CDH19: variants seen among roughly 807,000 people sequenced by gnomAD.
CDH19 encodes cadherin 19.
Under a neutral mutation model 64.2 loss-of-function variants are expected in CDH19, and 67 were observed. The ratio of observed to expected loss-of-function variants is 1.04; its 90% CI spans 0.86 to 1.28. CDH19 has a LOEUF of 1.28. Among genes scored for constraint, CDH19 ranks in the 50% most tolerant of loss-of-function variants. The pLI is 0.00. For missense variants in CDH19, 1,030 were observed against 929.0 expected (o/e 1.11, Z -1.41); for synonymous variants, 346 against 319.3 (o/e 1.08, Z -0.89).
At chr18:66,565,786 C>T (rs991342946) in intron 3 of CDH19, among the ~76,000 whole-genome samples, 6 of 151,866 alleles carry the variant, frequency 4.0e-5, no homozygotes, top group African/African-American at 1.4e-4. Flanking sequence ...TATTATATAA[C>T]ACTTCTAATA....
intron 4 of CDH19, 51 bp from the exon 5 acceptor site, chr18:66,551,309 G>A (rs780574695): frequency 9.9e-7 from 1 of 1,011,998 alleles, no homozygotes; most frequent in South Asian, 1.4e-5. Flanking sequence ...TCATGACAAA[G>A]TTCTAGTTAA....
At chr18:66,563,631 G>T (rs1987802697) in intron 3 of CDH19, among the ~76,000 whole-genome samples, 2 of 151,814 alleles carry the variant, frequency 1.3e-5, no homozygotes, top group Non-Finnish European at 2.9e-5. Flanking sequence ...CCTTCACATT[G>T]GGAACTTATT....
rs1353132585 is a variant in CDH19 at position 66,504,072 on chromosome 18, A to G, written c.*740T>C. 1 of 151,944 alleles carries G rather than the reference A, an allele frequency of 6.6e-6. No individual in the cohort carries two copies. Among genetic ancestry groups the G allele is most frequent in the African/African-American group, 2.4e-5 (1 of 41,434 alleles). 9.4% of individuals were successfully genotyped at this position (151,944 alleles called of 1,614,324 possible). ...TTAATTCAGTGCCTTTCTCACATTAACCATTTAAAAAGGTTGAGCGTTTGC... is the reference window on the plus strand; with the variant it reads ...TTAATTCAGTGCCTTTCTCACATTAGCCATTTAAAAAGGTTGAGCGTTTGC... On this transcript the variant is annotated 3_prime_UTR_variant, in exon 12 of 12. Transcript: ENST00000262150.
At chr18:66,598,675 CCTA>C (rs1159121055) in intron 1 of CDH19, among the ~76,000 whole-genome samples, 1 of 152,024 alleles carries the variant, frequency 6.6e-6, no homozygotes, top group African/African-American at 2.4e-5. Context: ...TGGGGCCTAA[CCTA>C]CTTCAGGGTG....
chr18:66,580,569 G>A (rs754237901), intron 1 of CDH19, among the ~76,000 whole-genome samples: 47 of 151,980 alleles, frequency 3.1e-4, no homozygotes, highest in Non-Finnish European at 5.6e-4. Context: ...AGAAGTTTCT[G>A]CAAGATTCTC....
At chr18:66,575,720 G>T (rs1007508816) in intron 1 of CDH19, among the ~76,000 whole-genome samples, 1 of 151,722 alleles carries the variant, frequency 6.6e-6, no homozygotes, top group African/African-American at 2.4e-5. Context: ...AGTCCTTCAA[G>T]AAGAAATAAA....
At chr18:66,521,782 T>TG (rs1886734528) in intron 9 of CDH19, among the ~76,000 whole-genome samples, 9 of 151,944 alleles carry the variant, frequency 5.9e-5, no homozygotes, top group Admixed American at 5.9e-4. Context: ...CTCCTGGACT[T>TG]GAGTGCTGCT....
intron 1 of CDH19, among the ~76,000 whole-genome samples, chr18:66,592,133 G>C (rs1026439906): frequency 6.6e-6 from 1 of 151,836 alleles, no homozygotes; most frequent in Non-Finnish European, 1.5e-5. Context: ...AGCCTGACTA[G>C]AGATGAACTA....
intron 3 of CDH19, among the ~76,000 whole-genome samples, chr18:66,565,421 G>C (rs962301870): frequency 6.6e-6 from 1 of 151,822 alleles, no homozygotes; most frequent in African/African-American, 2.4e-5. Context: ...TATAATAATA[G>C]GCAGTTCACT....
rs781356507 is a variant in CDH19 at position 66,509,156 on chromosome 18, C to T, written c.1667G>A (p.Gly556Glu). The T allele has an allele frequency of 5.0e-6, 8 of 1,612,736 alleles. No individual in the cohort carries two copies. Among genetic ancestry groups the T allele is most frequent in the Admixed American group, 1.7e-5 (1 of 59,822 alleles). ...GTTTGTACTTGTAAGTGACGGGATTCCATTGTCGGCAATTAAGATGGAGAT... is the reference window on the plus strand; with the variant it reads ...GTTTGTACTTGTAAGTGACGGGATTTCATTGTCGGCAATTAAGATGGAGAT... The part of the protein sequence containing the change: ...FYISILIADN[G>E]IPSLTSTNTL... The change falls in exon 11 of 12, where the codon GGA becomes GAA. Residue 556 changes from glycine (G) to glutamate (E), a missense_variant. Gly to Glu is a moderately conservative substitution (Grantham distance 98). Transcript: ENST00000262150.
intron 9 of CDH19, among the ~76,000 whole-genome samples, chr18:66,513,121 T>C (rs1985573678): frequency 6.6e-6 from 1 of 151,518 alleles, no homozygotes; most frequent in South Asian, 2.1e-4. Context: ...TTCATGTTTA[T>C]CTTGCTGGCA....
intron 1 of CDH19, among the ~76,000 whole-genome samples, chr18:66,603,275 TATAAA>T (rs1989081961): frequency 6.6e-6 from 1 of 150,920 alleles, no homozygotes; most frequent in Admixed American, 6.6e-5. Context: ...ATTGAAACAA[TATAAA>T]ATGTCTTTTA....
At chr18:66,522,451 T>C (rs1986038469) in intron 9 of CDH19, among the ~76,000 whole-genome samples, 3 of 152,022 alleles carry the variant, frequency 2.0e-5, no homozygotes, top group South Asian at 2.1e-4. Flanking sequence ...GGGTGCGCCA[T>C]GTTGGCCAGG....
chr18:66,572,243 G>T lies in CDH19; in HGVS notation c.-39C>A. The T allele has an allele frequency of 6.6e-7, 1 of 1,522,758 alleles. No homozygotes were observed. The allele number at this position is 1,522,758 out of a possible 1,614,324, so 94.3% of individuals were successfully genotyped here. ...TTGATTCCAACTATTACTCTTCAGA[G>T]GAAACAGGACGTCACTAACAAAAAT... On this transcript the variant is annotated 5_prime_UTR_variant, in exon 2 of 12. Transcript: ENST00000262150.
chr18:66,540,104 G>T (rs1986831058), intron 7 of CDH19, among the ~76,000 whole-genome samples: 1 of 151,694 alleles, frequency 6.6e-6, no homozygotes, highest in African/African-American at 2.4e-5. Context: ...TTTGCCCCTT[G>T]GCCTTTCTCG....
At position 66,581,755 on chromosome 18, in the gene CDH19, C is replaced by T. The variant is rs564734013; in HGVS notation, c.-112-9439G>A. Among the ~76,000 whole-genome samples the T allele has an allele frequency of 1.3e-3, 205 of 152,132 alleles. 8 individuals are homozygous for T. In the South Asian group the frequency reaches 0.04, roughly 30 times the overall value. ...TTGAGACTTTGGGACTCGGATTGAG[C>T]GACTACTGGCTTCCTACCTCCTCAG... is the stretch of plus-strand genomic sequence containing the variant. On this transcript the variant is annotated intron_variant, in intron 1 of 11. Coordinates refer to ENST00000262150, the MANE Select transcript of CDH19 (RefSeq NM_021153.4).
At chr18:66,558,254 T>A (rs1014683604) in intron 3 of CDH19, among the ~76,000 whole-genome samples, 1 of 150,964 alleles carries the variant, frequency 6.6e-6, no homozygotes, top group Non-Finnish European at 1.5e-5. Context: ...TTCTCTTAAT[T>A]TTTATTCATG....
At chr18:66,557,782 T>A (rs1015301742) in intron 3 of CDH19, among the ~76,000 whole-genome samples, 1 of 151,792 alleles carries the variant, frequency 6.6e-6, no homozygotes, top group African/African-American at 2.4e-5. Flanking sequence ...TAGATCTAAG[T>A]ATGGTGTATT....
intron 9 of CDH19, among the ~76,000 whole-genome samples, chr18:66,528,728 T>C (rs1986319929): frequency 6.6e-6 from 1 of 152,134 alleles, no homozygotes; most frequent in Admixed American, 6.5e-5. Flanking sequence ...TTTCTTAAGA[T>C]ATGAGTATTC....
Sources: allele counts gnomAD v4.1 joint callset (sites outside exome capture counted in the v4.1 genomes callset), GRCh38; gene constraint gnomAD v4.1.1; transcripts MANE v1.5; gene names NCBI Gene and HGNC (gene_info 2026-07-23, HGNC 2026-07-21).